RCOR3: variants seen among roughly 807,000 people sequenced by gnomAD.
RCOR3 encodes REST corepressor 3.
Under a neutral mutation model 64.1 loss-of-function variants are expected in RCOR3, and 13 were observed. The ratio of observed to expected loss-of-function variants is 0.20; its 90% CI spans 0.13 to 0.32. The LOEUF is 0.32. RCOR3 is among the 10% of genes least tolerant of loss of function. The probability of loss-of-function intolerance (pLI) is 1.00; values close to 1 mark genes in which losing one functional copy is unlikely to be tolerated. For synonymous variants in RCOR3, 215 were observed against 239.0 expected, an observed-to-expected ratio of 0.90 and a Z score of 0.93; for missense variants, 489 against 701.2, an observed-to-expected ratio of 0.70 and a Z score of 3.42.
intron 2 of RCOR3, among the ~76,000 whole-genome samples, chr1:211,270,667 TATGTA>T (rs1051677289): frequency 3.3e-5 from 5 of 151,990 alleles, no homozygotes; most frequent in African/African-American, 1.2e-4. Flanking sequence ...CAAGTAGAGA[TATGTA>T]ATGTACTGAA....
chr1:211,291,723 A>G, intron 8 of RCOR3: 2 of 359,480 alleles, frequency 5.6e-6, no homozygotes, highest in South Asian at 4.2e-5. Context: ...AACATAGGCC[A>G]CATTTGCTTC....
At chr1:211,308,688 T>TTG (rs1558111696) in intron 10 of RCOR3, among the ~76,000 whole-genome samples, 1 of 63,036 alleles carries the variant, frequency 1.6e-5, no homozygotes, top group African/African-American at 5.5e-5. Flanking sequence ...TTTTTTGTTT[T>TTG]TTTTTTTTTT....
At chr1:211,266,588 A>G (rs1471908042) in intron 2 of RCOR3, among the ~76,000 whole-genome samples, 2 of 152,162 alleles carry the variant, frequency 1.3e-5, no homozygotes, top group Non-Finnish European at 2.9e-5. Context: ...TTGTTTTTTA[A>G]TCTATTCAGA....
chr1:211,307,111 AT>A (rs1700921496), intron 10 of RCOR3, among the ~76,000 whole-genome samples: 1 of 152,112 alleles, frequency 6.6e-6, no homozygotes, highest in South Asian at 2.1e-4. Context: ...ATATATACAT[AT>A]TTTTTCTAAC....
At chr1:211,285,249 A>T (rs1478830267) in intron 7 of RCOR3, among the ~76,000 whole-genome samples, 1 of 152,158 alleles carries the variant, frequency 6.6e-6, no homozygotes, top group Non-Finnish European at 1.5e-5. Flanking sequence ...CATTTTTCTG[A>T]TCGTAAAGAG....
At chr1:211,271,633 A>G (rs1696219370) in intron 3 of RCOR3, 1 of 469,728 alleles carries the variant, frequency 2.1e-6, no homozygotes. Context: ...TTTCCTCAGT[A>G]TATGGAGCGG....
At chr1:211,274,822 T>C (rs976468344) in intron 4 of RCOR3, among the ~76,000 whole-genome samples, 3 of 151,830 alleles carry the variant, frequency 2.0e-5, no homozygotes, top group Non-Finnish European at 2.9e-5. Flanking sequence ...GTTAAGTCTC[T>C]TCAAATAAAA....
rs373915861 is a variant in RCOR3, at chr1:211,293,627, A to G, written c.940-2049A>G. ...TCTCTCTCTTTCTCTCTCCAAGTCT[A>G]TGTTAGGTGTTTTAGCGTTTATCAT... is the stretch of plus-strand genomic sequence containing the variant. On this transcript the variant is annotated intron_variant, in intron 8 of 11. Transcript: ENST00000419091. 1.8e-4 allele frequency among the ~76,000 whole-genome samples: 28 copies of G among 152,284 alleles called. 1 individual carries two copies. The East Asian group carries it at 2.9e-3, about 16-fold the overall frequency.
chr1:211,267,970 T>C (rs1695489387), intron 2 of RCOR3: 4 of 279,394 alleles, frequency 1.4e-5, no homozygotes, highest in African/African-American at 4.7e-5. Flanking sequence ...AATGAAGATA[T>C]TTTAATTCAG....
rs1323971900 is a variant in RCOR3, at chr1:211,316,333, A to T, written c.*2565A>T. Reference sequence around the variant, plus strand: ...TGATCAAACTTTTTATGTTCTTAATAAGCTTGCAATTGAGTAAAATAGAAT... The same window carrying T: ...TGATCAAACTTTTTATGTTCTTAATTAGCTTGCAATTGAGTAAAATAGAAT... On this transcript the variant is annotated 3_prime_UTR_variant, in exon 12 of 12. Coordinates refer to ENST00000419091, the MANE Select transcript of RCOR3 (RefSeq NM_001136223.3). The T allele has an allele frequency of 1.2e-4, 18 of 152,220 alleles. No homozygotes were observed. The highest frequency in any genetic ancestry group is 1.2e-3 in the Admixed American group (18 of 15,282). The allele number at this position is 152,220 out of a possible 1,614,324, so 9.4% of individuals were successfully genotyped here.
Position 211,314,642 on chromosome 1 carries a change from T to TG in RCOR3, c.*875dup, listed in dbSNP as rs929621362. The TG allele has an allele frequency of 6.6e-6, 1 of 152,218 alleles. No homozygotes were observed. Among genetic ancestry groups the TG allele is most frequent in the African/African-American group, 2.4e-5 (1 of 41,472 alleles). 9.4% of individuals were successfully genotyped at this position (152,218 alleles called of 1,614,324 possible). On this transcript the variant is annotated 3_prime_UTR_variant, in exon 12 of 12. Transcript: ENST00000419091. ...ATGCTATCTGCTTTTAACTAGTAGT[T>TG]GCCTACATCTGGGGACTTCAGAGAA...
intron 2 of RCOR3, 72 bp downstream of exon 2, chr1:211,260,236 G>A: frequency 7.1e-7 from 1 of 1,414,180 alleles, no homozygotes. Flanking sequence ...CGGGCTAGGA[G>A]TCCGGGCATG....
rs1362160004 is a variant in RCOR3, at chr1:211,308,668, TTTTTG to T, written c.1076-4047_1076-4043del. On this transcript the variant is annotated intron_variant, in intron 10 of 11. Coordinates refer to ENST00000419091, the MANE Select transcript of RCOR3 (RefSeq NM_001136223.3). The stretch of plus-strand genomic sequence containing the variant: ...GTTTCGTCTTTTGGATGTGTTTTTT[TTTTTG>T]TTTTTTTTTTGTTTTTTTTTTTTTT... Among the ~76,000 whole-genome samples, 65 of 25,138 alleles carry T rather than the reference TTTTTG, an allele frequency of 2.6e-3. 3 individuals are homozygous for T. The highest frequency in any genetic ancestry group is 5.9e-3 in the African/African-American group (65 of 11,036). 16.5% of individuals were successfully genotyped at this position (25,138 alleles called of 152,430 possible). A position where few individuals can be genotyped will look rare whatever the true frequency, so the allele number is the denominator to read the frequency against.
At chr1:211,285,109 C>G (rs1698348156) in intron 7 of RCOR3, among the ~76,000 whole-genome samples, 1 of 152,126 alleles carries the variant, frequency 6.6e-6, no homozygotes. Flanking sequence ...TTTTGATTTC[C>G]TATATAGTGA....
chr1:211,282,954 G>A (rs1388259668), intron 7 of RCOR3, among the ~76,000 whole-genome samples: 1 of 151,782 alleles, frequency 6.6e-6, no homozygotes, highest in Non-Finnish European at 1.5e-5. Flanking sequence ...TTATTTAATT[G>A]GAATCATATT....
Position 211,310,026 on chromosome 1 carries a change from C to T in RCOR3, c.1076-2694C>T, listed in dbSNP as rs374705389. On this transcript the variant is annotated intron_variant, in intron 10 of 11. Coordinates refer to ENST00000419091, the MANE Select transcript of RCOR3 (RefSeq NM_001136223.3). ...AGAATTCAGCCATATATATCTAATA[C>T]CTCCTGTGGTTTAGGGAAGAACAAT... 1.5e-4 allele frequency among the ~76,000 whole-genome samples: 23 copies of T among 152,254 alleles called. No homozygotes were observed. The East Asian group carries it at 3.3e-3, about 22-fold the overall frequency.
chr1:211,294,355 A>G (rs1699604135), intron 8 of RCOR3, among the ~76,000 whole-genome samples: 1 of 152,244 alleles, frequency 6.6e-6, no homozygotes, highest in East Asian at 1.9e-4. Context: ...CACTTCCATA[A>G]GCAACCTTCA....
intron 2 of RCOR3, among the ~76,000 whole-genome samples, chr1:211,262,580 A>T (rs942316949): frequency 2.0e-5 from 3 of 152,060 alleles, no homozygotes; most frequent in Non-Finnish European, 1.5e-5. Context: ...CAGTGGGTAG[A>T]TTTCTGAGTC....
chr1:211,292,281 G>A (rs4951520), intron 8 of RCOR3, among the ~76,000 whole-genome samples: 75,061 of 152,078 alleles, frequency 0.49, 21,186 homozygotes, highest in East Asian at 0.62. Flanking sequence ...TACCACCAAC[G>A]CATCTCATAT....
Sources: allele counts gnomAD v4.1 joint callset (sites outside exome capture counted in the v4.1 genomes callset), GRCh38; gene constraint gnomAD v4.1.1; transcripts MANE v1.5; gene names NCBI Gene and HGNC (gene_info 2026-07-23, HGNC 2026-07-21).